Variants in EP400 observed in about 807,000 individuals in gnomAD.
EP400 encodes E1A binding protein p400.
A neutral mutation model predicts 354.1 loss-of-function variants in EP400; 105 were observed. The observed-to-expected ratio is 0.30, with a 90% CI of 0.25 to 0.35. The LOEUF is 0.35. EP400 is among the 10% of genes least tolerant of loss of function. The pLI is 1.00. For missense variants in EP400, 3,280 were observed against 4,121.0 expected (o/e 0.80, Z 5.59); for synonymous variants, 1,646 against 1,716.9 (o/e 0.96, Z 1.02).
rs958640183 is a variant in EP400 at position 131,994,366 on chromosome 12, C to T, written c.2738-501C>T. ...TTGGCTGTGGGGATGCTGGTAGCTGCTCTTTTCTCTGCCAGGAGCCAAGAT... is the reference window on the plus strand; with the variant it reads ...TTGGCTGTGGGGATGCTGGTAGCTGTTCTTTTCTCTGCCAGGAGCCAAGAT... On this transcript the variant is annotated intron_variant, in intron 11 of 52. Coordinates refer to ENST00000389561, the MANE Select transcript of EP400 (RefSeq NM_015409.5). This position sits in a 1 kb window ranked among gnomAD's most constrained non-coding sequence, Gnocchi z 4.6. Among the ~76,000 whole-genome samples the T allele has an allele frequency of 6.6e-6, 1 of 152,150 alleles. No individual in the cohort carries two copies. The highest frequency in any genetic ancestry group is 2.4e-5 in the African/African-American group (1 of 41,440).
chr12:131,972,188 T>C (rs1037801318), intron 2 of EP400, among the ~76,000 whole-genome samples: 4 of 151,842 alleles, frequency 2.6e-5, no homozygotes, highest in Non-Finnish European at 2.9e-5. Context: ...AGTCTCGCTC[T>C]GTCGCCCAGG....
At chr12:131,989,139 G>A (rs904572982) in intron 7 of EP400, among the ~76,000 whole-genome samples, 6 of 152,232 alleles carry the variant, frequency 3.9e-5, no homozygotes, top group Non-Finnish European at 7.3e-5. Flanking sequence ...GGGGCTGGCC[G>A]ATGGGCTAGA....
At chr12:131,969,138 T>C (rs1384600849) in intron 2 of EP400, among the ~76,000 whole-genome samples, 1 of 152,140 alleles carries the variant, frequency 6.6e-6, no homozygotes, top group Non-Finnish European at 1.5e-5. Flanking sequence ...TTAAGTAAGA[T>C]GTTAACTGTA....
In EP400 at chr12:132,030,080, C is replaced by T. The variant is rs766669472; in HGVS notation, c.5676C>T (p.Asp1892=). ...LILSQMILML[D]ILEMFLNFHY... ...TATCACAGATGATTCTTATGTTGGA[C>T]ATTTTAGAGATGTTCTTGAACTTCC... The change falls in exon 29 of 53, where the codon GAC becomes GAT. Residue 1892 remains aspartate (D), a synonymous_variant. Transcript: ENST00000389561. 1.7e-4 allele frequency: 274 copies of T among 1,614,090 alleles called. 1 individual carries two copies. Among genetic ancestry groups the T allele is most frequent in the Non-Finnish European group, 9.1e-5 (107 of 1,180,040 alleles).
rs761132679 is a variant in EP400, at chr12:132,062,527, G to GCAGCAGCAGCAGCAGCAACAA, written c.8178_8198dup (p.Gln2742_Gln2748dup). On this transcript the variant is annotated inframe_insertion, in exon 47 of 53. Transcript: ENST00000389561. ...CTGCACATTTCCAGCTTCTCAGGCAGCAGCAGCAGCAGCAGCAACAACAGC... is the reference window on the plus strand; with the variant it reads ...CTGCACATTTCCAGCTTCTCAGGCAGCAGCAGCAGCAGCAGCAACAACAGCAGCAGCAGCAGCAACAACAGC... 1.9e-6 allele frequency: 3 copies of GCAGCAGCAGCAGCAGCAACAA among 1,603,096 alleles called. No individual in the cohort carries two copies. The highest frequency in any genetic ancestry group is 2.6e-6 in the Non-Finnish European group (3 of 1,176,334).
intron 30 of EP400, among the ~76,000 whole-genome samples, chr12:132,036,863 C>T (rs1435034043): frequency 2.0e-5 from 3 of 152,174 alleles, no homozygotes; most frequent in East Asian, 3.8e-4. Context: ...CCCTTTATCA[C>T]GTATTTAGTT....
intron 12 of EP400, among the ~76,000 whole-genome samples, chr12:132,000,630 C>G (rs898497327): frequency 6.6e-6 from 1 of 152,154 alleles, no homozygotes; most frequent in East Asian, 1.9e-4. Context: ...TATTTTGAGA[C>G]TATGTTAGTA....
At position 131,981,558 on chromosome 12, in the gene EP400, C is replaced by T; in HGVS notation, c.1505C>T (p.Ala502Val). 6.2e-7 allele frequency: 1 copy of T among 1,602,496 alleles called. No individual in the cohort carries two copies. Among genetic ancestry groups the T allele is most frequent in the Non-Finnish European group, 8.5e-7 (1 of 1,174,824 alleles). The change falls in exon 4 of 53, where the codon GCA becomes GTA. Residue 502 changes from alanine (A) to valine (V), a missense_variant. Around this residue, in one of 20 missense-constraint regions of EP400, gnomAD observed 800 missense variants for 840.0 expected, o/e 0.95. Coordinates refer to ENST00000389561, the MANE Select transcript of EP400 (RefSeq NM_015409.5). ...GTTTTCCAGCACCCAGGGGCGGACG[C>T]AGGCGTTCCTCTCCAGCAACTAATG... is the stretch of plus-strand genomic sequence containing the variant. ...GVVFQHPGAD[A>V]GVPLQQLMPT...
chr12:131,976,451 C>G (rs770525065), intron 2 of EP400, among the ~76,000 whole-genome samples: 7 of 152,152 alleles, frequency 4.6e-5, no homozygotes, highest in Non-Finnish European at 1.0e-4. Context: ...TGGTGGCTCA[C>G]GCCTGTAATG....
At chr12:132,004,089 A>G (rs957273072) in intron 12 of EP400, among the ~76,000 whole-genome samples, 6 of 152,232 alleles carry the variant, frequency 3.9e-5, no homozygotes, top group Non-Finnish European at 7.3e-5. Flanking sequence ...TCCTCTGGAT[A>G]GACTCACTAA....
chr12:131,980,588 C>T (rs544223014), intron 3 of EP400, among the ~76,000 whole-genome samples: 6 of 152,272 alleles, frequency 3.9e-5, no homozygotes, highest in East Asian at 3.9e-4. Flanking sequence ...CTGGTTCACC[C>T]GGGCTGGAGT....
intron 1 of EP400, among the ~76,000 whole-genome samples, chr12:131,953,131 G>C: frequency 6.6e-6 from 1 of 152,192 alleles, no homozygotes; most frequent in East Asian, 1.9e-4. Flanking sequence ...GTGGCCTCCC[G>C]AAGATCCCAG....
chr12:132,062,901 G>T (rs1039431058), intron 47 of EP400, among the ~76,000 whole-genome samples, 200 bp downstream of exon 47: 1 of 152,206 alleles, frequency 6.6e-6, no homozygotes, highest in Non-Finnish European at 1.5e-5. Flanking sequence ...CCTTAGAGAA[G>T]TCTTACAGCT....
chr12:131,968,558 C>T (rs75194641), intron 2 of EP400, among the ~76,000 whole-genome samples: 2,527 of 152,228 alleles, frequency 0.017, 73 homozygotes, highest in African/African-American at 0.058. Context: ...ATTCTGGTTC[C>T]TTTCCCTTTT....
chr12:132,021,455 C>G, intron 23 of EP400, 134 bp downstream of exon 23: 1 of 1,279,354 alleles, frequency 7.8e-7, no homozygotes, highest in Non-Finnish European at 1.0e-6. Context: ...GGTGCTGCCT[C>G]TCACCAGTGC....
intron 2 of EP400, among the ~76,000 whole-genome samples, chr12:131,974,756 G>A (rs905333451): frequency 1.3e-5 from 2 of 152,018 alleles, no homozygotes; most frequent in African/African-American, 4.8e-5. Context: ...TTGGGAGGCC[G>A]AGGCGGGCGG....
intron 19 of EP400, among the ~76,000 whole-genome samples, chr12:132,016,607 A>G (rs1351220416): frequency 6.6e-6 from 1 of 152,066 alleles, no homozygotes; most frequent in African/African-American, 2.4e-5. Context: ...CCTGACCTCT[A>G]GTGATCCGCC....
intron 1 of EP400, among the ~76,000 whole-genome samples, chr12:131,955,288 T>C (rs1370890712): frequency 6.8e-6 from 1 of 146,452 alleles, no homozygotes; most frequent in Non-Finnish European, 1.5e-5. Context: ...TAAAAGTTTA[T>C]GCTTTTTTTT....
At position 132,013,249 on chromosome 12, in the gene EP400, G is replaced by T; in HGVS notation, c.3611+71G>T. ...GTAGAAGATTCTCTTGAAGAAATCT[G>T]CATAATTGCAGACACAAACAATGGC... On this transcript the variant is annotated intron_variant, in intron 17 of 52. Transcript: ENST00000389561. The surrounding 1 kb of genome is among the most constrained non-coding windows in gnomAD (Gnocchi z 4.5). The T allele has an allele frequency of 6.6e-7, 1 of 1,516,854 alleles. No individual in the cohort carries two copies. Among genetic ancestry groups the T allele is most frequent in the Non-Finnish European group, 8.9e-7 (1 of 1,128,170 alleles). 94.0% of individuals were successfully genotyped at this position (1,516,854 alleles called of 1,614,324 possible).
Sources: gnomAD v4.1 joint callset for allele counts (sites outside exome capture counted in the v4.1 genomes callset) on GRCh38, gnomAD v4.1.1 for gene constraint, gnomAD v4.1.1 regional missense constraint, Gnocchi (gnomAD v3.1) non-coding constraint, MANE v1.5 for transcripts, NCBI Gene and HGNC (gene_info 2026-07-23, HGNC 2026-07-21) for gene names.